Variants in GREB1L observed in about 807,000 individuals in gnomAD.
The protein encoded by GREB1L is GREB1-like protein.
GREB1L carries 17 observed loss-of-function variants against 200.8 expected under a neutral mutation model. The observed-to-expected ratio is 0.08, with a 90% CI of 0.06 to 0.13. The LOEUF is 0.13. Among genes scored for constraint, GREB1L ranks in the 10% least tolerant of loss-of-function variants. The pLI is 1.00. For missense variants in GREB1L, 1,657 were observed against 2,367.7 expected (o/e 0.70, Z 6.23); for synonymous variants, 789 against 893.0 (o/e 0.88, Z 2.08).
intron 1 of GREB1L, among the ~76,000 whole-genome samples, chr18:21,301,412 A>G (rs1270191001): frequency 6.6e-6 from 1 of 152,168 alleles, no homozygotes; most frequent in African/African-American, 2.4e-5. Context: ...AGAGGCTTTC[A>G]TGGAGCCCAG....
chr18:21,461,007 G>A (rs999365566), intron 15 of GREB1L, among the ~76,000 whole-genome samples: 5 of 151,768 alleles, frequency 3.3e-5, no homozygotes, highest in Admixed American at 1.3e-4. Context: ...TGAGGTGGGA[G>A]GATCACTTGA....
intron 1 of GREB1L, among the ~76,000 whole-genome samples, chr18:21,269,914 C>G (rs2038051720): frequency 6.6e-6 from 1 of 152,006 alleles, no homozygotes; most frequent in Non-Finnish European, 1.5e-5. Context: ...ATAAAACATA[C>G]AACAAGAAAG....
chr18:21,289,046 C>T (rs1452123225), intron 1 of GREB1L, among the ~76,000 whole-genome samples: 2 of 152,034 alleles, frequency 1.3e-5, no homozygotes, highest in East Asian at 3.9e-4. Flanking sequence ...AGCTACCATG[C>T]TTTCTTTCTC....
intron 4 of GREB1L, among the ~76,000 whole-genome samples, chr18:21,390,262 A>G (rs2040739782): frequency 6.6e-6 from 1 of 151,112 alleles, no homozygotes; most frequent in African/African-American, 2.4e-5. Context: ...TTTATTATCT[A>G]TGTTATTTCA....
chr18:21,468,940 C>T (rs2035374514), intron 15 of GREB1L: 3 of 360,596 alleles, frequency 8.3e-6, no homozygotes, highest in Middle Eastern at 7.8e-4. Flanking sequence ...CTCATTGCAT[C>T]ATGTCAGGGA....
intron 2 of GREB1L, among the ~76,000 whole-genome samples, chr18:21,368,359 A>G (rs2039750254): frequency 6.6e-6 from 1 of 152,230 alleles, no homozygotes; most frequent in African/African-American, 2.4e-5. Context: ...GGCAAAACTG[A>G]CAAATACGAT....
intron 11 of GREB1L, among the ~76,000 whole-genome samples, chr18:21,448,159 CAA>C (rs34682720): frequency 5.3e-5 from 7 of 131,776 alleles, no homozygotes; most frequent in Admixed American, 7.8e-5. Flanking sequence ...GAAACTGTCT[CAA>C]AAAAAAAAAA....
chr18:21,318,996 G>A (rs542249740), intron 1 of GREB1L, among the ~76,000 whole-genome samples: 80 of 152,332 alleles, frequency 5.3e-4, no homozygotes, highest in African/African-American at 1.9e-3. Flanking sequence ...TAGCCCCCGT[G>A]TAGCTGCCTC....
At position 21,401,185 on chromosome 18, in the gene GREB1L, G is replaced by A. The variant is rs1231337044; in HGVS notation, c.568G>A (p.Gly190Arg). 5.8e-6 allele frequency: 9 copies of A among 1,551,496 alleles called. No individual in the cohort carries two copies. Among genetic ancestry groups the A allele is most frequent in the Admixed American group, 2.0e-5 (1 of 50,970 alleles). Residue 190 changes from glycine to arginine, a missense_variant, in exon 6 of 33, where the codon GGA becomes AGA. Coordinates refer to ENST00000424526, the MANE Select transcript of GREB1L (RefSeq NM_001142966.3). ...SGNCIGCGERGFRYFTEFSNH... is the reference protein window; with the variant it reads ...SGNCIGCGERRFRYFTEFSNH... ...AAATTGTATCGGCTGTGGAGAAAGA[G>A]GATTTCGATATTTCACGGAATTTTC...
At position 21,518,987 on chromosome 18, in the gene GREB1L, A is replaced by C. The variant is rs1205917768; in HGVS notation, c.5472+753A>C. ...CTTTTTCTTTGTATGTATTGAAAAA[A>C]ACACACATATCCATACACGTACTCT... On this transcript the variant is annotated intron_variant, in intron 31 of 32. Transcript: ENST00000424526. Among the ~76,000 whole-genome samples the C allele has an allele frequency of 3.3e-5, 5 of 152,210 alleles. No homozygotes were observed. In the East Asian group the frequency reaches 9.6e-4, roughly 29 times the overall value.
At chr18:21,297,977 T>TA (rs1391925565) in intron 1 of GREB1L, among the ~76,000 whole-genome samples, 1 of 152,072 alleles carries the variant, frequency 6.6e-6, no homozygotes, top group African/African-American at 2.4e-5. Context: ...CATCATTTGG[T>TA]GACTGGGCAG....
chr18:21,380,883 G>A (rs1242224225), intron 2 of GREB1L, among the ~76,000 whole-genome samples: 7 of 150,338 alleles, frequency 4.7e-5, no homozygotes, highest in African/African-American at 1.2e-4. Context: ...GGTGGATCAC[G>A]AGGTCAGGAG....
intron 23 of GREB1L, among the ~76,000 whole-genome samples, chr18:21,501,496 T>A (rs2036792047): frequency 6.6e-6 from 1 of 152,198 alleles, no homozygotes; most frequent in Non-Finnish European, 1.5e-5. Context: ...TGGTTTTCTG[T>A]TCCTGTGTTA....
chr18:21,454,700 T>G, intron 15 of GREB1L, 137 bp downstream of exon 15: 1 of 730,520 alleles, frequency 1.4e-6, no homozygotes, highest in South Asian at 1.7e-5. Context: ...AGCACTTTGT[T>G]ATTTTGGGTT....
intron 1 of GREB1L, among the ~76,000 whole-genome samples, chr18:21,334,006 T>G (rs2039147687): frequency 6.6e-6 from 1 of 151,948 alleles, no homozygotes; most frequent in Non-Finnish European, 1.5e-5. Context: ...AAAATTACAT[T>G]TCTAGTGACT....
intron 1 of GREB1L, among the ~76,000 whole-genome samples, chr18:21,305,551 T>C (rs2038685998): frequency 6.6e-6 from 1 of 152,194 alleles, no homozygotes; most frequent in Non-Finnish European, 1.5e-5. Flanking sequence ...CCCATGTTCA[T>C]ATTCTCATTG....
At position 21,346,214 on chromosome 18, in the gene GREB1L, A is replaced by G. The variant is rs557390653; in HGVS notation, c.-119-19813A>G. 6.6e-5 allele frequency among the ~76,000 whole-genome samples: 10 copies of G among 152,182 alleles called. 1 individual carries two copies. The South Asian group carries it at 2.1e-3, about 32-fold the overall frequency. On this transcript the variant is annotated intron_variant, in intron 1 of 32. Transcript: ENST00000424526. ...CTGATTTCATTCCTAAATATTTCCC[A>G]GGCTCATCCCACCCTCTGTAACCCT...
intron 1 of GREB1L, among the ~76,000 whole-genome samples, chr18:21,269,498 G>T (rs1320380555): frequency 6.6e-6 from 1 of 152,162 alleles, no homozygotes; most frequent in African/African-American, 2.4e-5. Flanking sequence ...TTGTAGAGCT[G>T]CTCATGTAGT....
At chr18:21,357,242 C>G (rs2039517660) in intron 1 of GREB1L, among the ~76,000 whole-genome samples, 1 of 152,160 alleles carries the variant, frequency 6.6e-6, no homozygotes, top group South Asian at 2.1e-4. Flanking sequence ...TTAGTAGAGA[C>G]AGGGTTTCAC....
Sources: gnomAD v4.1 joint callset for allele counts (sites outside exome capture counted in the v4.1 genomes callset) on GRCh38, gnomAD v4.1.1 for gene constraint, MANE v1.5 for transcripts, NCBI Gene and HGNC (gene_info 2026-07-23, HGNC 2026-07-21) for gene names.